LRFN5: variants seen among roughly 807,000 people sequenced by gnomAD.
LRFN5 encodes the protein leucine-rich repeat and fibronectin type-III domain-containing protein 5.
In LRFN5, 24 loss-of-function variants were observed where a neutral mutation model predicts 45.6. The observed-to-expected ratio is 0.53, with a 90% CI of 0.38 to 0.74. LRFN5 has a LOEUF of 0.74. LRFN5 is among the 30% of genes least tolerant of loss of function. The pLI is 0.00. For missense variants in LRFN5, 776 were observed against 861.5 expected (o/e 0.90, Z 1.24); for synonymous variants, 340 against 313.8 (o/e 1.08, Z -0.88).
intron 1 of LRFN5, among the ~76,000 whole-genome samples, chr14:41,764,155 G>A (rs562791895): frequency 6.6e-6 from 1 of 152,014 alleles, no homozygotes; most frequent in Non-Finnish European, 1.5e-5. Flanking sequence ...CTTTAATATA[G>A]AATCCTTATG....
chr14:41,714,310 C>A (rs1314704400), intron 1 of LRFN5, among the ~76,000 whole-genome samples: 1 of 152,040 alleles, frequency 6.6e-6, no homozygotes, highest in Non-Finnish European at 1.5e-5. Context: ...CATGCTTCTC[C>A]TCAAGGACTT....
chr14:41,771,679 C>T (rs985652126), intron 2 of LRFN5, among the ~76,000 whole-genome samples: 1 of 152,152 alleles, frequency 6.6e-6, no homozygotes, highest in Non-Finnish European at 1.5e-5. Context: ...GTAACTTCCT[C>T]ATTTCCATCG....
At chr14:41,740,680 A>G (rs1220118849) in intron 1 of LRFN5, among the ~76,000 whole-genome samples, 3 of 151,958 alleles carry the variant, frequency 2.0e-5, no homozygotes, top group African/African-American at 4.8e-5. Flanking sequence ...TCTATTCATT[A>G]TAGTATTGGA....
At chr14:41,888,998 T>TAC (rs979723740) in intron 3 of LRFN5, among the ~76,000 whole-genome samples, 5 of 91,994 alleles carry the variant, frequency 5.4e-5, no homozygotes, top group South Asian at 4.4e-4. Flanking sequence ...TGTGTATGTA[T>TAC]ACACATATAT....
chr14:41,876,498 G>A (rs1343913763), intron 2 of LRFN5, among the ~76,000 whole-genome samples: 6 of 146,240 alleles, frequency 4.1e-5, no homozygotes, highest in African/African-American at 1.0e-4. Context: ...GGGTTTCTCC[G>A]TGTTAGCCAG....
At chr14:41,874,174 G>A (rs1457593288) in intron 2 of LRFN5, among the ~76,000 whole-genome samples, 1 of 152,108 alleles carries the variant, frequency 6.6e-6, no homozygotes, top group Admixed American at 6.6e-5. Flanking sequence ...CACATTTGTG[G>A]CAATGTTCAA....
chr14:41,838,242 TA>T (rs1459230234), intron 2 of LRFN5, among the ~76,000 whole-genome samples: 1 of 152,214 alleles, frequency 6.6e-6, no homozygotes, highest in Non-Finnish European at 1.5e-5. Flanking sequence ...ATCCTTCACA[TA>T]ATATATAAAC....
At chr14:41,840,455 A>T (rs1176938666) in intron 2 of LRFN5, among the ~76,000 whole-genome samples, 2 of 152,076 alleles carry the variant, frequency 1.3e-5, no homozygotes, top group Admixed American at 6.6e-5. Flanking sequence ...GTTATTATTT[A>T]ATCACATCTG....
At chr14:41,835,382 G>T (rs146202782) in intron 2 of LRFN5, among the ~76,000 whole-genome samples, 214 of 152,194 alleles carry the variant, frequency 1.4e-3, no homozygotes, top group Non-Finnish European at 2.2e-3. Flanking sequence ...AGTAAACAAG[G>T]GTTCAAATAA....
At chr14:41,778,094 C>T (rs1886357415) in intron 2 of LRFN5, among the ~76,000 whole-genome samples, 1 of 150,818 alleles carries the variant, frequency 6.6e-6, no homozygotes, top group South Asian at 2.1e-4. Context: ...TTTCCAGGCT[C>T]AGAATAATGT....
chr14:41,684,732 C>T (rs764206570), intron 1 of LRFN5, among the ~76,000 whole-genome samples: 13 of 152,010 alleles, frequency 8.6e-5, no homozygotes, highest in Admixed American at 2.0e-4. Flanking sequence ...TGTAGGACAT[C>T]GGAATGGGCA....
chr14:41,683,479 G>A (rs934243940), intron 1 of LRFN5, among the ~76,000 whole-genome samples: 2 of 152,024 alleles, frequency 1.3e-5, no homozygotes, highest in African/African-American at 4.8e-5. Context: ...GCAGATAAGA[G>A]GAAGATATAA....
At chr14:41,844,389 ATC>A (rs1888983569) in intron 2 of LRFN5, among the ~76,000 whole-genome samples, 1 of 150,794 alleles carries the variant, frequency 6.6e-6, no homozygotes, top group Non-Finnish European at 1.5e-5. Flanking sequence ...GTGAGCGGAG[ATC>A]TTGCCACCAC....
chr14:41,789,931 T>C (rs765148381), intron 2 of LRFN5, among the ~76,000 whole-genome samples: 2 of 152,018 alleles, frequency 1.3e-5, no homozygotes, highest in African/African-American at 2.4e-5. Context: ...TCGTTTTTTC[T>C]ACTTTCAAGG....
intron 2 of LRFN5, among the ~76,000 whole-genome samples, chr14:41,843,086 CTTTT>C (rs539151256): frequency 8.5e-6 from 1 of 118,308 alleles, no homozygotes. Context: ...TTTGTCTTTT[CTTTT>C]TTTTTTTTTT....
chr14:41,756,004 T>G (rs1885360999), intron 1 of LRFN5, among the ~76,000 whole-genome samples: 1 of 152,182 alleles, frequency 6.6e-6, no homozygotes, highest in South Asian at 2.1e-4. Flanking sequence ...GTAAAGTATT[T>G]TATTTCTCCT....
chr14:41,772,730 A>G lies in LRFN5; in HGVS notation c.-21+5701A>G, dbSNP rs187519279. Among the ~76,000 whole-genome samples, 5 of 152,272 alleles carry G rather than the reference A, an allele frequency of 3.3e-5. No individual in the cohort carries two copies. The East Asian group carries it at 9.7e-4, about 29-fold the overall frequency. ...TAACCTCTTGATTATCTTGCCACATACATTCTTCTGGTGTTCTTGAGCTCA... is the reference window on the plus strand; with the variant it reads ...TAACCTCTTGATTATCTTGCCACATGCATTCTTCTGGTGTTCTTGAGCTCA... On this transcript the variant is annotated intron_variant, in intron 2 of 5. Coordinates refer to ENST00000298119, the MANE Select transcript of LRFN5 (RefSeq NM_152447.5).
intron 2 of LRFN5, among the ~76,000 whole-genome samples, chr14:41,886,303 G>T (rs1172775543): frequency 6.6e-6 from 1 of 152,030 alleles, no homozygotes; most frequent in African/African-American, 2.4e-5. Context: ...ATCTCTTTTG[G>T]TTCACCCATG....
intron 1 of LRFN5, among the ~76,000 whole-genome samples, chr14:41,750,265 T>C (rs1005226932): frequency 2.7e-5 from 2 of 75,034 alleles, no homozygotes; most frequent in African/African-American, 1.1e-4. Context: ...GAGTAACTTT[T>C]CTTATATATA....
Sources: gnomAD v4.1 joint callset for allele counts (sites outside exome capture counted in the v4.1 genomes callset) on GRCh38, gnomAD v4.1.1 for gene constraint, MANE v1.5 for transcripts, NCBI Gene and HGNC (gene_info 2026-07-23, HGNC 2026-07-21) for gene names.